CHST11: variants seen among roughly 807,000 people sequenced by gnomAD.
The protein encoded by CHST11 is carbohydrate sulfotransferase 11.
CHST11 carries 9 observed loss-of-function variants against 30.4 expected under a neutral mutation model. That is an observed-to-expected ratio of 0.30 (90% CI 0.18 to 0.52). CHST11 has a LOEUF of 0.52. Ranked by LOEUF, CHST11 falls within the 20% of genes least tolerant of loss-of-function variation. The probability of loss-of-function intolerance (pLI) is 0.97; values close to 1 mark genes in which losing one functional copy is unlikely to be tolerated. For synonymous variants in CHST11, 152 were observed against 187.8 expected (o/e 0.81, Z 1.56); for missense variants, 348 against 460.6 (o/e 0.76, Z 2.24).
intron 1 of CHST11, among the ~76,000 whole-genome samples, chr12:104,534,409 A>G (rs948738883): frequency 2.0e-5 from 3 of 152,234 alleles, no homozygotes; most frequent in African/African-American, 7.2e-5. Context: ...AACCGGGCAA[A>G]TAGAGCAAGG....
chr12:104,489,636 G>A (rs1322067420), intron 1 of CHST11, among the ~76,000 whole-genome samples: 3 of 151,876 alleles, frequency 2.0e-5, no homozygotes, highest in East Asian at 1.9e-4. Context: ...GCACCACCAC[G>A]CCCAGCTAAT....
chr12:104,634,099 A>AT (rs2039299564), intron 2 of CHST11, among the ~76,000 whole-genome samples: 1 of 152,214 alleles, frequency 6.6e-6, no homozygotes, highest in Non-Finnish European at 1.5e-5. Context: ...CTCGGTCCTT[A>AT]TAGAACTGGT....
chr12:104,586,105 C>T (rs2038802035), intron 1 of CHST11, among the ~76,000 whole-genome samples: 1 of 152,196 alleles, frequency 6.6e-6, no homozygotes. Context: ...TAGCACGTCA[C>T]AGTGGATTGT....
chr12:104,583,420 G>A (rs2038767755), intron 1 of CHST11, among the ~76,000 whole-genome samples: 1 of 152,036 alleles, frequency 6.6e-6, no homozygotes, highest in Non-Finnish European at 1.5e-5. Flanking sequence ...AGGGAGATTG[G>A]GGGACCGTGG....
At chr12:104,688,588 A>G (rs1375035359) in intron 2 of CHST11, among the ~76,000 whole-genome samples, 3 of 152,254 alleles carry the variant, frequency 2.0e-5, no homozygotes, top group African/African-American at 4.8e-5. Context: ...TGAAACGTGT[A>G]TTTAAAAACC....
At chr12:104,708,784 G>A (rs775963886) in intron 2 of CHST11, among the ~76,000 whole-genome samples, 8 of 152,132 alleles carry the variant, frequency 5.3e-5, no homozygotes, top group Non-Finnish European at 8.8e-5. Flanking sequence ...GTCTACTCTC[G>A]CTCCATCTTC....
At chr12:104,489,286 C>T (rs547793844) in intron 1 of CHST11, among the ~76,000 whole-genome samples, 75 of 152,240 alleles carry the variant, frequency 4.9e-4, no homozygotes, top group African/African-American at 1.8e-3. Flanking sequence ...ATCTGCCTGC[C>T]TCGGCCTCCC....
At chr12:104,490,756 TAAA>T (rs1343771183) in intron 1 of CHST11, among the ~76,000 whole-genome samples, 1 of 152,166 alleles carries the variant, frequency 6.6e-6, no homozygotes, top group African/African-American at 2.4e-5. Flanking sequence ...AACTGACATT[TAAA>T]AAAAGTCAGC....
intron 1 of CHST11, among the ~76,000 whole-genome samples, chr12:104,485,816 ACCT>A (rs2037671811): frequency 3.3e-5 from 5 of 152,106 alleles, no homozygotes; most frequent in Admixed American, 3.3e-4. Context: ...AACTGAACAG[ACCT>A]CCTACCACAG....
At chr12:104,496,234 G>T (rs767092046) in intron 1 of CHST11, among the ~76,000 whole-genome samples, 6 of 152,176 alleles carry the variant, frequency 3.9e-5, no homozygotes. Context: ...GTGTGTTGAT[G>T]AGTTATTGTT....
intron 1 of CHST11, among the ~76,000 whole-genome samples, chr12:104,480,577 CAAAAAAA>C (rs58063092): frequency 1.8e-5 from 2 of 112,684 alleles, no homozygotes; most frequent in Non-Finnish European, 3.6e-5. Context: ...GATTCCATCT[CAAAAAAA>C]AAAAAAAAAA....
At chr12:104,681,825 C>CTTTTTTTTTT (rs149441295) in intron 2 of CHST11, among the ~76,000 whole-genome samples, 12 of 85,084 alleles carry the variant, frequency 1.4e-4, no homozygotes, top group African/African-American at 4.2e-4. Flanking sequence ...GTCTGTTTTG[C>CTTTTTTTTTT]TTTTTTTTTT....
At chr12:104,513,074 A>C (rs745722220) in intron 1 of CHST11, among the ~76,000 whole-genome samples, 14 of 130,564 alleles carry the variant, frequency 1.1e-4, no homozygotes, top group South Asian at 5.0e-4. Flanking sequence ...TGAGGGGTGG[A>C]GCTCAAGGCT....
chr12:104,686,040 A>C (rs762866005), intron 2 of CHST11, among the ~76,000 whole-genome samples: 21 of 152,054 alleles, frequency 1.4e-4, no homozygotes, highest in Non-Finnish European at 2.6e-4. Context: ...CAGCCTAGGC[A>C]GCCTTAGTGA....
At chr12:104,562,436 C>T (rs1352691041) in intron 1 of CHST11, among the ~76,000 whole-genome samples, 2 of 152,136 alleles carry the variant, frequency 1.3e-5, no homozygotes, top group African/African-American at 2.4e-5. Context: ...TAGGAAAAAG[C>T]GCAGAGCCCG....
intron 2 of CHST11, among the ~76,000 whole-genome samples, chr12:104,737,991 G>A (rs2040315138): frequency 1.3e-5 from 2 of 152,078 alleles, no homozygotes; most frequent in South Asian, 4.2e-4. Flanking sequence ...CACCCCCCAG[G>A]CCCCGATCCT....
intron 1 of CHST11, among the ~76,000 whole-genome samples, chr12:104,474,433 C>T (rs911158855): frequency 1.3e-5 from 2 of 152,126 alleles, no homozygotes; most frequent in African/African-American, 4.8e-5. Flanking sequence ...TAATCCATTG[C>T]ATTCAGGAGG....
intron 2 of CHST11, among the ~76,000 whole-genome samples, chr12:104,624,828 G>A (rs978677594): frequency 1.3e-5 from 2 of 152,186 alleles, no homozygotes; most frequent in African/African-American, 4.8e-5. Context: ...TGCCAGTAAG[G>A]TTGGTTTCTG....
At position 104,590,291 on chromosome 12, in the gene CHST11, C is replaced by T. The variant is rs555156145; in HGVS notation, c.119-11615C>T. On this transcript the variant is annotated intron_variant, in intron 1 of 2. Transcript: ENST00000303694. The stretch of plus-strand genomic sequence containing the variant: ...CTCATCAAGCTTGAAGCTTCCCAGG[C>T]CCCTTTGTAGGAGAATCTGATTCAG... Among the ~76,000 whole-genome samples, 6 of 152,270 alleles carry T rather than the reference C, an allele frequency of 3.9e-5. No individual in the cohort carries two copies. The East Asian group carries it at 5.8e-4, about 15-fold the overall frequency.
Sources: allele counts gnomAD v4.1 joint callset (sites outside exome capture counted in the v4.1 genomes callset), GRCh38; gene constraint gnomAD v4.1.1; transcripts MANE v1.5; gene names NCBI Gene and HGNC (gene_info 2026-07-23, HGNC 2026-07-21).